EYA3: variants seen among roughly 807,000 people sequenced by gnomAD.
The protein encoded by EYA3 is EYA transcriptional coactivator and phosphatase 3.
EYA3 carries 39 observed loss-of-function variants against 80.0 expected under a neutral mutation model. The observed-to-expected ratio is 0.49, with a 90% CI of 0.38 to 0.64. The LOEUF (loss-of-function observed/expected upper bound fraction) is 0.64. Ranked by LOEUF, EYA3 falls within the 30% of genes least tolerant of loss-of-function variation. The probability of loss-of-function intolerance (pLI) is 0.00; values close to 1 mark genes in which losing one functional copy is unlikely to be tolerated. For synonymous variants in EYA3, 206 were observed against 232.8 expected, an observed-to-expected ratio of 0.88 and a Z score of 1.05; for missense variants, 523 against 676.1, an observed-to-expected ratio of 0.77 and a Z score of 2.51.
rs1211060769 is a variant in EYA3, at chr1:27,973,682, A to C, written c.*784T>G. On this transcript the variant is annotated 3_prime_UTR_variant, in exon 18 of 18. Coordinates refer to ENST00000373871, the MANE Select transcript of EYA3 (RefSeq NM_001990.4). ...TAAGTTACTCAGTGTCCAGTGCCCC[A>C]CAGTTCACCAGCTAGGAGATAGAAG... The C allele has an allele frequency of 6.6e-6, 1 of 152,220 alleles. No homozygotes were observed. The highest frequency in any genetic ancestry group is 1.5e-5 in the Non-Finnish European group (1 of 68,080). 9.4% of individuals were successfully genotyped at this position (152,220 alleles called of 1,614,324 possible).
intron 7 of EYA3, among the ~76,000 whole-genome samples, chr1:28,021,443 G>A (rs1013111721): frequency 7.3e-5 from 11 of 151,554 alleles, no homozygotes; most frequent in East Asian, 1.9e-4. Flanking sequence ...TTTCTCCCCC[G>A]CACCCCACTA....
chr1:28,055,667 C>T (rs1356140218), intron 2 of EYA3, among the ~76,000 whole-genome samples: 1 of 151,922 alleles, frequency 6.6e-6, no homozygotes, highest in East Asian at 1.9e-4. Flanking sequence ...GATGGGGTCT[C>T]CCCATGTTGG....
intron 8 of EYA3, among the ~76,000 whole-genome samples, chr1:28,015,698 T>A (rs568652683): frequency 6.6e-6 from 1 of 151,982 alleles, no homozygotes; most frequent in African/African-American, 2.4e-5. Context: ...AATTCAGGAT[T>A]AAAAGGGAAA....
chr1:28,070,060 A>G (rs1644968493), intron 1 of EYA3, among the ~76,000 whole-genome samples: 1 of 152,194 alleles, frequency 6.6e-6, no homozygotes, highest in Admixed American at 6.5e-5. Flanking sequence ...GGCCTCCAGA[A>G]GTGAAAGAAT....
chr1:28,071,081 C>T (rs1168281776), intron 1 of EYA3, among the ~76,000 whole-genome samples: 3 of 152,122 alleles, frequency 2.0e-5, no homozygotes, highest in Admixed American at 6.6e-5. Context: ...TACCACCACG[C>T]CCAGATAATT....
At chr1:28,062,381 T>C (rs753526585) in intron 1 of EYA3, among the ~76,000 whole-genome samples, 4 of 152,198 alleles carry the variant, frequency 2.6e-5, no homozygotes, top group Middle Eastern at 3.2e-3. Flanking sequence ...TTGAATACTA[T>C]TGAGATTTTG....
At chr1:28,003,031 C>T (rs577501923) in intron 11 of EYA3, among the ~76,000 whole-genome samples, 8 of 147,042 alleles carry the variant, frequency 5.4e-5, no homozygotes, top group South Asian at 2.1e-4. Flanking sequence ...CCGAGGTGGG[C>T]GGATCACGAG....
intron 2 of EYA3, among the ~76,000 whole-genome samples, chr1:28,053,663 C>T (rs1247376550): frequency 6.6e-6 from 1 of 152,136 alleles, no homozygotes; most frequent in Non-Finnish European, 1.5e-5. Flanking sequence ...GCTGAATAAA[C>T]TTAAGGATGT....
At chr1:28,072,886 A>C (rs865936829) in intron 1 of EYA3, among the ~76,000 whole-genome samples, 15 of 151,750 alleles carry the variant, frequency 9.9e-5, no homozygotes, top group Non-Finnish European at 4.4e-5. Flanking sequence ...ATACAATGGA[A>C]TACTGTACAG....
At position 28,061,842 on chromosome 1, in the gene EYA3, G is replaced by A. The variant is rs569563277; in HGVS notation, c.-68-3748C>T. On this transcript the variant is annotated intron_variant, in intron 1 of 17. Transcript: ENST00000373871. ...TCTCGATCTCCTGACCTCGTGATCC[G>A]CCCACCTCAGCCTCCCAAAGTGCTG... is the stretch of plus-strand genomic sequence containing the variant. 3.3e-5 allele frequency among the ~76,000 whole-genome samples: 5 copies of A among 151,998 alleles called. No homozygotes were observed. In the East Asian group the frequency reaches 5.8e-4, roughly 18 times the overall value.
Position 27,989,786 on chromosome 1 carries a change from T to C in EYA3, c.1329A>G (p.Glu443=), listed in dbSNP as rs1394771990. 2 of 1,610,086 alleles carry C rather than the reference T, an allele frequency of 1.2e-6. No individual in the cohort carries two copies. Among genetic ancestry groups the C allele is most frequent in the Non-Finnish European group, 1.7e-6 (2 of 1,177,712 alleles). The change falls in exon 15 of 18, where the codon GAA becomes GAG. Residue 443 remains glutamate (E), a synonymous_variant. Coordinates refer to ENST00000373871, the MANE Select transcript of EYA3 (RefSeq NM_001990.4). ...TTTCTGCTCTTAATCTCTGCAGTGC[T>C]TCCTTCCTCTGGGGACTGAGGAGAC... is the stretch of plus-strand genomic sequence containing the variant. ...VGGLLSPQRK[E]ALQRLRAEIE...
rs1037997885 is a variant in EYA3 at position 27,973,434 on chromosome 1, C to T, written c.*1032G>A. On this transcript the variant is annotated 3_prime_UTR_variant, in exon 18 of 18. Transcript: ENST00000373871. ...ACGAGCATCTGATGGGAAATGGGTG[C>T]TTCTCTGCAGGGGGAATAGGTAGAA... is the stretch of plus-strand genomic sequence containing the variant. 6.6e-6 allele frequency: 1 copy of T among 152,160 alleles called. No homozygotes were observed. Among genetic ancestry groups the T allele is most frequent in the Non-Finnish European group, 1.5e-5 (1 of 68,090 alleles). 9.4% of individuals were successfully genotyped at this position (152,160 alleles called of 1,614,324 possible). A position where few individuals can be genotyped will look rare whatever the true frequency, so the allele number is the denominator to read the frequency against.
In EYA3 at chr1:28,044,728, T is replaced by A. The variant is rs112438664; in HGVS notation, c.78-2078A>T. Among the ~76,000 whole-genome samples, 1,170 of 152,222 alleles carry A rather than the reference T, an allele frequency of 7.7e-3. 10 individuals carry two copies. Among genetic ancestry groups the A allele is most frequent in the Middle Eastern group, 0.051 (15 of 294 alleles). ...GAAACTGACTTCTAATATTCAAGTA[T>A]AATAAGGGTTTTTTTTAAATGGTAT... On this transcript the variant is annotated intron_variant, in intron 3 of 17. Transcript: ENST00000373871.
chr1:28,014,554 C>T (rs895876306), intron 8 of EYA3, among the ~76,000 whole-genome samples: 2 of 151,526 alleles, frequency 1.3e-5, no homozygotes, highest in Non-Finnish European at 2.9e-5. Context: ...ATGGCGAAAC[C>T]CAGCCCCTAC....
chr1:28,074,451 T>C (rs1490629185), intron 1 of EYA3, among the ~76,000 whole-genome samples: 1 of 152,034 alleles, frequency 6.6e-6, no homozygotes, highest in Non-Finnish European at 1.5e-5. Flanking sequence ...ACTAATATAA[T>C]ATAGTTCACA....
intron 8 of EYA3, among the ~76,000 whole-genome samples, chr1:28,016,484 G>C (rs906873262): frequency 6.8e-6 from 1 of 147,508 alleles, no homozygotes; most frequent in Non-Finnish European, 1.5e-5. Context: ...AGCCAAGATC[G>C]CACCACTGTA....
chr1:28,016,507 C>T (rs574349115), intron 8 of EYA3, among the ~76,000 whole-genome samples: 7 of 137,740 alleles, frequency 5.1e-5, no homozygotes, highest in East Asian at 4.3e-4. Context: ...CCAGCCTGGG[C>T]GACAGAGTGA....
intron 17 of EYA3, among the ~76,000 whole-genome samples, chr1:27,975,961 T>C (rs1490389367): frequency 6.6e-6 from 1 of 152,142 alleles, no homozygotes; most frequent in African/African-American, 2.4e-5. Context: ...AATCCAAGTA[T>C]TGGAAACCAT....
intron 1 of EYA3, among the ~76,000 whole-genome samples, chr1:28,080,948 G>T (rs1370761007): frequency 6.6e-6 from 1 of 151,902 alleles, no homozygotes; most frequent in Non-Finnish European, 1.5e-5. Context: ...TAGAGACGGG[G>T]TTTCACCATG....
Sources: allele counts gnomAD v4.1 joint callset (sites outside exome capture counted in the v4.1 genomes callset), GRCh38; gene constraint gnomAD v4.1.1; transcripts MANE v1.5; gene names NCBI Gene and HGNC (gene_info 2026-07-23, HGNC 2026-07-21).